The following KLHL32 variants were observed in gnomAD, a reference collection of about 807,000 sequenced individuals.
KLHL32 encodes the protein kelch like family member 32.
KLHL32 carries 35 observed loss-of-function variants against 64.8 expected under a neutral mutation model. That is an observed-to-expected ratio of 0.54 (90% CI 0.41 to 0.72). The LOEUF (loss-of-function observed/expected upper bound fraction) is 0.72, where lower values mean the gene tolerates loss of function less well. KLHL32 is among the 30% of genes least tolerant of loss of function. The pLI, the probability that KLHL32 is intolerant of heterozygous loss-of-function variation, is 0.00. For synonymous variants in KLHL32, 259 were observed against 281.0 expected (o/e 0.92, Z 0.78); for missense variants, 589 against 768.5 (o/e 0.77, Z 2.76).
chr6:96,963,277 G>C (rs2128028406), intron 1 of KLHL32, among the ~76,000 whole-genome samples: 2 of 152,312 alleles, frequency 1.3e-5, no homozygotes, highest in Middle Eastern at 6.8e-3. Flanking sequence ...GGAAAGACAA[G>C]TTACAGAAAG....
At chr6:97,029,516 TTC>T (rs1783213815) in intron 3 of KLHL32, among the ~76,000 whole-genome samples, 1 of 152,210 alleles carries the variant, frequency 6.6e-6, no homozygotes, top group Non-Finnish European at 1.5e-5. Flanking sequence ...TGATATTTTA[TTC>T]TCTGACAGTA....
At chr6:96,999,020 G>C (rs1437156817) in intron 3 of KLHL32, among the ~76,000 whole-genome samples, 3 of 151,970 alleles carry the variant, frequency 2.0e-5, no homozygotes, top group African/African-American at 7.2e-5. Context: ...AAGATCCTAA[G>C]AAGAAAAAAA....
chr6:97,108,557 G>A (rs1367319794), intron 6 of KLHL32, among the ~76,000 whole-genome samples: 1 of 152,114 alleles, frequency 6.6e-6, no homozygotes, highest in Non-Finnish European at 1.5e-5. Context: ...TTTTGAAGTG[G>A]CCCATTGTTT....
At chr6:97,044,162 T>C (rs1297199177) in intron 4 of KLHL32, among the ~76,000 whole-genome samples, 2 of 152,146 alleles carry the variant, frequency 1.3e-5, no homozygotes, top group Non-Finnish European at 2.9e-5. Context: ...TGATATACAT[T>C]CTTTCTATGC....
intron 1 of KLHL32, among the ~76,000 whole-genome samples, chr6:96,948,567 A>G (rs2128007127): frequency 6.6e-6 from 1 of 152,274 alleles, no homozygotes; most frequent in Admixed American, 6.5e-5. Context: ...TGAAATAAAC[A>G]TGATGGTTTT....
intron 3 of KLHL32, among the ~76,000 whole-genome samples, chr6:97,038,696 A>G (rs1737641): frequency 0.17 from 26,279 of 151,822 alleles, 2,638 homozygotes; most frequent in African/African-American, 0.29. Flanking sequence ...TATATATATA[A>G]ATATATCTAT....
At chr6:97,064,426 A>C (rs1789390910) in intron 4 of KLHL32, among the ~76,000 whole-genome samples, 2 of 152,194 alleles carry the variant, frequency 1.3e-5, no homozygotes, top group Non-Finnish European at 2.9e-5. Context: ...AGTAAAGAGA[A>C]AAATTGGCTG....
intron 3 of KLHL32, among the ~76,000 whole-genome samples, chr6:97,029,652 C>T (rs1373180441): frequency 6.6e-6 from 1 of 152,024 alleles, no homozygotes; most frequent in Non-Finnish European, 1.5e-5. Flanking sequence ...TTTTCATTTG[C>T]AAGATAAAGG....
chr6:97,124,244 A>G (rs1798657706), intron 7 of KLHL32, among the ~76,000 whole-genome samples: 1 of 152,152 alleles, frequency 6.6e-6, no homozygotes, highest in Admixed American at 6.5e-5. Context: ...TTTGTTAGGC[A>G]CCTCCTGTGG....
chr6:97,101,740 AGTTTATAATCT>A (rs1357229948), intron 6 of KLHL32, among the ~76,000 whole-genome samples: 3 of 152,226 alleles, frequency 2.0e-5, no homozygotes, highest in African/African-American at 7.2e-5. Context: ...CATAAGAGCT[AGTTTATAATCT>A]GTTGTGCTGC....
At chr6:97,103,483 G>A (rs1325621472) in intron 6 of KLHL32, among the ~76,000 whole-genome samples, 1 of 152,138 alleles carries the variant, frequency 6.6e-6, no homozygotes, top group Non-Finnish European at 1.5e-5. Flanking sequence ...AAAGTGCTGG[G>A]ATTACAGGCG....
At chr6:96,924,465 CGGCGGG>C (rs531967117), upstream of KLHL32, among the ~76,000 whole-genome samples, 8 of 55,954 alleles carry the variant, frequency 1.4e-4, no homozygotes, top group Non-Finnish European at 2.3e-4. Context: ...AGCTCGCCGA[CGGCGGG>C]GGCGGGGGCG....
At chr6:97,072,515 A>G (rs1322917093) in intron 5 of KLHL32, among the ~76,000 whole-genome samples, 1 of 150,126 alleles carries the variant, frequency 6.7e-6, no homozygotes, top group African/African-American at 2.5e-5. Context: ...ACTCCTTTTA[A>G]TTTGGTACAC....
At chr6:97,113,685 C>T in intron 6 of KLHL32, 98 bp from the exon 7 acceptor site, 1 of 1,416,000 alleles carries the variant, frequency 7.1e-7, no homozygotes, top group Non-Finnish European at 9.6e-7. Flanking sequence ...TGTATTATTA[C>T]CTGCCTGGAA....
rs1432072125 is a variant in KLHL32 at position 97,085,194 on chromosome 6, G to T, written c.480G>T (p.Glu160Asp). Residue 160 changes from glutamate to aspartate, a missense_variant, in exon 6 of 11, where the codon GAG becomes GAT. Coordinates refer to ENST00000369261, the MANE Select transcript of KLHL32 (RefSeq NM_052904.4). ...LADLFNLTLL[E>D]KAVIDFLVKH... Reference sequence around the variant, plus strand: ...ACCTCTTTAACCTCACTTTGTTGGAGAAGGCAGTGATCGATTTCTTAGTGA... The same window carrying T: ...ACCTCTTTAACCTCACTTTGTTGGATAAGGCAGTGATCGATTTCTTAGTGA... 2 of 1,613,872 alleles carry T rather than the reference G, an allele frequency of 1.2e-6. No individual in the cohort carries two copies. The highest frequency in any genetic ancestry group is 1.7e-6 in the Non-Finnish European group (2 of 1,180,018).
intron 6 of KLHL32, among the ~76,000 whole-genome samples, chr6:97,099,941 G>A (rs1221580170): frequency 1.3e-5 from 2 of 151,606 alleles, no homozygotes; most frequent in African/African-American, 4.8e-5. Flanking sequence ...AATATTATTT[G>A]TATGATCAGC....
chr6:96,977,589 C>A (rs1172754221), intron 3 of KLHL32, among the ~76,000 whole-genome samples: 1 of 151,392 alleles, frequency 6.6e-6, no homozygotes, highest in East Asian at 1.9e-4. Flanking sequence ...TTTTAATTTC[C>A]CCCAGTAAAG....
chr6:96,990,937 G>T (rs1171635846), intron 3 of KLHL32, among the ~76,000 whole-genome samples: 1 of 152,158 alleles, frequency 6.6e-6, no homozygotes, highest in Non-Finnish European at 1.5e-5. Context: ...GGCAGTGGCA[G>T]AGGGGCTTTC....
chr6:96,944,864 C>T (rs1305678234), intron 1 of KLHL32, among the ~76,000 whole-genome samples: 3 of 152,086 alleles, frequency 2.0e-5, no homozygotes, highest in African/African-American at 4.8e-5. Flanking sequence ...TATTCTTCAT[C>T]GAAGAATAAA....
Sources: allele counts gnomAD v4.1 joint callset (sites outside exome capture counted in the v4.1 genomes callset), GRCh38; gene constraint gnomAD v4.1.1; transcripts MANE v1.5; gene names NCBI Gene and HGNC (gene_info 2026-07-23, HGNC 2026-07-21).